DMD: variants seen among roughly 807,000 people sequenced by gnomAD.
DMD encodes mutant dystrophin.
DMD carries 63 observed loss-of-function variants against 330.1 expected under a neutral mutation model. The ratio of observed to expected loss-of-function variants is 0.19; its 90% confidence interval spans 0.16 to 0.24. The LOEUF (loss-of-function observed/expected upper bound fraction) is 0.24, where lower values mean the gene tolerates loss of function less well. Ranked by LOEUF, DMD falls within the 10% of genes least tolerant of loss-of-function variation. The pLI, the probability that DMD is intolerant of heterozygous loss-of-function variation, is 1.00. For missense variants in DMD, 3,344 were observed against 2,684.1 expected, an observed-to-expected ratio of 1.25 and a Z score of -5.43; for synonymous variants, 1,223 against 959.8, an observed-to-expected ratio of 1.27 and a Z score of -5.07.
At chrX:31,726,807 C>T (rs773987295) in intron 52 of DMD, among the ~76,000 whole-genome samples, 5 of 111,881 alleles carry the variant, frequency 4.5e-5, no homozygotes, top group African/African-American at 1.6e-4. Context: ...TGACACATCT[C>T]GACAGACACT....
intron 37 of DMD, among the ~76,000 whole-genome samples, chrX:32,349,861 G>A (rs1015493725): frequency 7.2e-5 from 8 of 111,404 alleles, no homozygotes; most frequent in Admixed American, 5.7e-4. Context: ...ATTTGAACCA[G>A]TATAGATTGG....
chrX:31,630,869 G>C (rs1459807790), intron 54 of DMD, among the ~76,000 whole-genome samples: 3 of 111,829 alleles, frequency 2.7e-5, no homozygotes, highest in Non-Finnish European at 5.6e-5. Flanking sequence ...TATTGGTTAA[G>C]TACTTTTTTA....
At chrX:31,517,964 C>CACACACACA (rs2072403125) in intron 55 of DMD, among the ~76,000 whole-genome samples, 1 of 98,535 alleles carries the variant, frequency 1.0e-5, no homozygotes, top group Non-Finnish European at 2.1e-5. Flanking sequence ...CACACACACA[C>CACACACACA]CTTGGGGCCA....
chrX:33,040,452 A>G (rs777651593), intron 1 of DMD, among the ~76,000 whole-genome samples: 1 of 110,857 alleles, frequency 9.0e-6, no homozygotes, highest in Admixed American at 9.6e-5. Flanking sequence ...AAACAGAATG[A>G]TCTGTTACCA....
chrX:31,620,801 T>C (rs1159914232), intron 55 of DMD, among the ~76,000 whole-genome samples: 1 of 111,731 alleles, frequency 9.0e-6, no homozygotes, highest in Admixed American at 9.5e-5. Context: ...AACTGTCTTT[T>C]TGAATAACAT....
chrX:31,636,451 C>A (rs1216708707), intron 54 of DMD, among the ~76,000 whole-genome samples: 1 of 111,855 alleles, frequency 8.9e-6, no homozygotes, highest in East Asian at 2.8e-4. Flanking sequence ...CCACAGATAG[C>A]ACCTCCTTTC....
At chrX:32,020,762 A>C (rs1158668943) in intron 44 of DMD, among the ~76,000 whole-genome samples, 1 of 112,476 alleles carries the variant, frequency 8.9e-6, no homozygotes, top group African/African-American at 3.2e-5. Flanking sequence ...GATATTTTGA[A>C]ATTTTTATAT....
At chrX:33,030,397 GAAGT>G (rs1233273411) in intron 1 of DMD, among the ~76,000 whole-genome samples, 8 of 112,005 alleles carry the variant, frequency 7.1e-5, no homozygotes, top group African/African-American at 1.6e-4. Flanking sequence ...TCAAAAGAAT[GAAGT>G]AAGTTTTTAG....
chrX:32,474,789 T>A (rs1215791926), intron 21 of DMD, among the ~76,000 whole-genome samples: 3 of 111,718 alleles, frequency 2.7e-5, no homozygotes, highest in African/African-American at 3.3e-5. Flanking sequence ...GAAGATTTTA[T>A]CCCACTCCAT....
intron 42 of DMD, among the ~76,000 whole-genome samples, chrX:32,302,825 T>A (rs1420333838): frequency 9.0e-6 from 1 of 111,039 alleles, no homozygotes; most frequent in Non-Finnish European, 1.9e-5. Context: ...TACAGTTGAG[T>A]AGGCAGGGGC....
intron 18 of DMD, among the ~76,000 whole-genome samples, chrX:32,508,118 G>A (rs2044825224): frequency 9.0e-6 from 1 of 110,755 alleles, no homozygotes; most frequent in African/African-American, 3.3e-5. Flanking sequence ...GGAATGCCGG[G>A]TCACTCAGAA....
intron 7 of DMD, among the ~76,000 whole-genome samples, chrX:32,708,721 C>T (rs776145736): frequency 9.0e-6 from 1 of 111,048 alleles, no homozygotes; most frequent in Non-Finnish European, 1.9e-5. Flanking sequence ...AAGGAAGAAA[C>T]GAGTGGACCA....
intron 30 of DMD, among the ~76,000 whole-genome samples, chrX:32,408,861 CTTTCATCTATCTATCTATCT>C (rs1403845845): frequency 1.0e-5 from 1 of 98,027 alleles, no homozygotes; most frequent in Non-Finnish European, 2.1e-5. Flanking sequence ...TCTTTTCTTT[CTTTCATCTATCTATCTATCT>C]ATCTATCTAT....
chrX:31,955,449 T>C (rs2095236907), intron 45 of DMD, among the ~76,000 whole-genome samples: 1 of 112,202 alleles, frequency 8.9e-6, no homozygotes, highest in Non-Finnish European at 1.9e-5. Flanking sequence ...CTTCTATAAC[T>C]TTGGTTAGCC....
At chrX:31,687,092 G>T (rs1423655415) in intron 52 of DMD, among the ~76,000 whole-genome samples, 1 of 111,095 alleles carries the variant, frequency 9.0e-6, no homozygotes, top group Non-Finnish European at 1.9e-5. Flanking sequence ...CTACCTTAAA[G>T]GGAAGGACTC....
intron 44 of DMD, among the ~76,000 whole-genome samples, chrX:32,010,338 T>G (rs1603620196): frequency 8.9e-6 from 1 of 111,959 alleles, no homozygotes; most frequent in East Asian, 2.8e-4. Flanking sequence ...TTTCCAATTC[T>G]GCATTCAATG....
At chrX:32,178,981 T>TCTCTCTCTCTCC (rs1491516171) in intron 44 of DMD, among the ~76,000 whole-genome samples, 2 of 98,151 alleles carry the variant, frequency 2.0e-5, no homozygotes, top group African/African-American at 7.5e-5. Flanking sequence ...TCTCTCTCTC[T>TCTCTCTCTCTCC]CCCTCTCCTC....
intron 7 of DMD, among the ~76,000 whole-genome samples, chrX:32,709,236 G>T (rs2064962717): frequency 9.0e-6 from 1 of 111,487 alleles, no homozygotes; most frequent in Non-Finnish European, 1.9e-5. Context: ...GAAATTTACA[G>T]AAGTGAAGAT....
chrX:32,389,192 T>G (rs1171822469), intron 32 of DMD, among the ~76,000 whole-genome samples: 2 of 111,716 alleles, frequency 1.8e-5, no homozygotes, highest in African/African-American at 6.5e-5. Context: ...CAACTACTGT[T>G]GTTGTTACTA....
Sources: gnomAD v4.1 joint callset for allele counts (sites outside exome capture counted in the v4.1 genomes callset) on GRCh38, gnomAD v4.1.1 for gene constraint, MANE v1.5 for transcripts, NCBI Gene and HGNC (gene_info 2026-07-23, HGNC 2026-07-21) for gene names.